The following AHI1 variants were observed in gnomAD, a reference collection of about 807,000 sequenced individuals.
AHI1 encodes the protein Abelson helper integration site 1.
AHI1 carries 123 observed loss-of-function variants against 149.3 expected under a neutral mutation model. That is an observed-to-expected ratio of 0.82 (90% confidence interval 0.71 to 0.96). AHI1 has a LOEUF of 0.96. Among genes scored for constraint, AHI1 ranks in the 40% least tolerant of loss-of-function variants. AHI1 has a pLI of 0.00. For missense variants in AHI1, 1,439 were observed against 1,422.7 expected (o/e 1.01, Z -0.18); for synonymous variants, 475 against 459.8 (o/e 1.03, Z -0.42).
chr6:135,336,134 A>C (rs914401643), intron 24 of AHI1, among the ~76,000 whole-genome samples: 1 of 151,690 alleles, frequency 6.6e-6, no homozygotes, highest in African/African-American at 2.4e-5. Flanking sequence ...AAAAAAAAAA[A>C]AATTCCATAT....
chr6:135,303,734 A>C (rs1228541455), intron 26 of AHI1, among the ~76,000 whole-genome samples: 1 of 152,224 alleles, frequency 6.6e-6, no homozygotes, highest in African/African-American at 2.4e-5. Context: ...TATTTTCAAT[A>C]CAATTTTATT....
At chr6:135,455,701 C>T (rs766628397) in intron 10 of AHI1, 33 bp downstream of exon 10, 22 of 1,386,628 alleles carry the variant, frequency 1.6e-5, no homozygotes, top group Middle Eastern at 1.9e-4. Flanking sequence ...TATTAACTAT[C>T]GTTTAATTTG....
intron 22 of AHI1, among the ~76,000 whole-genome samples, chr6:135,400,832 C>T (rs1194604911): frequency 6.6e-6 from 1 of 152,156 alleles, no homozygotes; most frequent in Non-Finnish European, 1.5e-5. Context: ...TCTCTTGCAA[C>T]TTGAGGATTC....
At chr6:135,305,081 A>G (rs1784384223) in intron 26 of AHI1, 1 of 152,216 alleles carries the variant, frequency 6.6e-6, no homozygotes, top group Non-Finnish European at 1.5e-5. Context: ...AGACTGAAGA[A>G]TGGGAGAATG....
At chr6:135,313,223 G>A (rs1364487960) in intron 26 of AHI1, among the ~76,000 whole-genome samples, 2 of 151,970 alleles carry the variant, frequency 1.3e-5, no homozygotes, top group Non-Finnish European at 2.9e-5. Flanking sequence ...TCTCTCACTG[G>A]GAAGTAAAAT....
chr6:135,450,356 C>T (rs895520965), intron 11 of AHI1, among the ~76,000 whole-genome samples: 3 of 152,070 alleles, frequency 2.0e-5, no homozygotes, highest in African/African-American at 7.2e-5. Flanking sequence ...AAATTCAGAA[C>T]GTTGTTCAGG....
chr6:135,295,862 T>G (rs1170976505), intron 27 of AHI1, among the ~76,000 whole-genome samples: 1 of 152,240 alleles, frequency 6.6e-6, no homozygotes, highest in Non-Finnish European at 1.5e-5. Context: ...AATTTCATTT[T>G]ATTTTTTTGA....
At chr6:135,476,333 C>G (rs1260843109) in intron 5 of AHI1, among the ~76,000 whole-genome samples, 1 of 150,828 alleles carries the variant, frequency 6.6e-6, no homozygotes, top group Non-Finnish European at 1.5e-5. Flanking sequence ...TTAAAATTTT[C>G]TTTTACATTT....
At position 135,388,182 on chromosome 6, in the gene AHI1, C is replaced by G. The variant is rs375377363; in HGVS notation, c.3109+6594G>C. ...TTAATCTACAATAGTGAATTAATGC[C>G]TTTTACCTATTGTACCACCTGAAAC... On this transcript the variant is annotated intron_variant, in intron 23 of 28. Transcript: ENST00000265602. 337 of 813,426 alleles carry G rather than the reference C, an allele frequency of 4.1e-4. 1 individual carries two copies. The African/African-American group carries it at 5.2e-3, about 13-fold the overall frequency. The allele number at this position is 813,426 out of a possible 1,614,324, so 50.4% of individuals were successfully genotyped here.
At chr6:135,304,953 G>A (rs974548356) in intron 26 of AHI1, 16 of 152,114 alleles carry the variant, frequency 1.1e-4, no homozygotes, top group Admixed American at 3.9e-4. Context: ...AAAAACTTAC[G>A]AGATTTGGAC....
At chr6:135,453,490 G>T in intron 10 of AHI1, 54 bp from the exon 11 acceptor site, 1 of 1,254,714 alleles carries the variant, frequency 8.0e-7, no homozygotes, top group South Asian at 1.4e-5. Context: ...ATTTTCTAAT[G>T]GTACATTATT....
intron 21 of AHI1, among the ~76,000 whole-genome samples, chr6:135,411,076 G>A (rs1781513774): frequency 6.6e-6 from 1 of 152,142 alleles, no homozygotes; most frequent in African/African-American, 2.4e-5. Context: ...TCCTAGGTGT[G>A]GTCATCTGGT....
At chr6:135,469,131 T>C (rs1791289299) in intron 5 of AHI1, among the ~76,000 whole-genome samples, 5 of 152,152 alleles carry the variant, frequency 3.3e-5, no homozygotes. Flanking sequence ...TGCAACCAAA[T>C]CCAGCAGCAC....
At chr6:135,496,733 C>T (rs745448182) in intron 2 of AHI1, among the ~76,000 whole-genome samples, 2 of 151,928 alleles carry the variant, frequency 1.3e-5, no homozygotes, top group Non-Finnish European at 2.9e-5. Context: ...CAAATGTTAT[C>T]GCAAGGGAAA....
At chr6:135,340,910 G>C (rs1790271453) in intron 24 of AHI1, among the ~76,000 whole-genome samples, 1 of 150,896 alleles carries the variant, frequency 6.6e-6, no homozygotes, top group Admixed American at 6.6e-5. Flanking sequence ...ATTGTTTTGA[G>C]ATGTTAATTG....
At chr6:135,349,444 G>A (rs1791742873) in intron 24 of AHI1, among the ~76,000 whole-genome samples, 1 of 152,282 alleles carries the variant, frequency 6.6e-6, no homozygotes, top group South Asian at 2.1e-4. Flanking sequence ...AAATTGCACA[G>A]ATATCTGGAT....
chr6:135,486,430 T>G (rs1396534995), intron 5 of AHI1, among the ~76,000 whole-genome samples: 1 of 152,182 alleles, frequency 6.6e-6, no homozygotes, highest in East Asian at 1.9e-4. Context: ...ATGATAGCTT[T>G]TTTCCTTGTT....
At chr6:135,374,302 C>T (rs138238687) in intron 23 of AHI1, among the ~76,000 whole-genome samples, 2,089 of 151,152 alleles carry the variant, frequency 0.014, 56 homozygotes, top group African/African-American at 0.049. Context: ...TTAGTAGAGA[C>T]GGGGTCTCAG....
chr6:135,446,832 T>A (rs1404512115), intron 13 of AHI1, among the ~76,000 whole-genome samples, 176 bp downstream of exon 13: 2 of 152,238 alleles, frequency 1.3e-5, no homozygotes, highest in African/African-American at 4.8e-5. Context: ...TATATACACA[T>A]GCTAGGCACT....
Sources: gnomAD v4.1 joint callset for allele counts (sites outside exome capture counted in the v4.1 genomes callset) on GRCh38, gnomAD v4.1.1 for gene constraint, MANE v1.5 for transcripts, NCBI Gene and HGNC (gene_info 2026-07-23, HGNC 2026-07-21) for gene names.